STIM1: variants seen among roughly 807,000 people sequenced by gnomAD.
The protein encoded by STIM1 is stromal interaction molecule 1.
STIM1 carries 25 observed loss-of-function variants against 74.7 expected under a neutral mutation model. That is an observed-to-expected ratio of 0.33 (90% CI 0.24 to 0.47). The LOEUF (loss-of-function observed/expected upper bound fraction) is 0.47, where lower values mean the gene tolerates loss of function less well. Ranked by LOEUF, STIM1 falls within the 20% of genes least tolerant of loss-of-function variation. The pLI, the probability that STIM1 is intolerant of heterozygous loss-of-function variation, is 1.00. For missense variants in STIM1, 728 were observed against 920.8 expected (o/e 0.79, Z 2.71); for synonymous variants, 328 against 348.8 (o/e 0.94, Z 0.66).
intron 7 of STIM1, among the ~76,000 whole-genome samples, chr11:4,079,916 C>T (rs977741657): frequency 6.6e-6 from 1 of 152,156 alleles, no homozygotes; most frequent in African/African-American, 2.4e-5. Flanking sequence ...ACCCAGGTAT[C>T]TGTGTTTTTT....
intron 1 of STIM1, among the ~76,000 whole-genome samples, chr11:3,948,596 C>T (rs1009838446): frequency 6.6e-6 from 1 of 152,168 alleles, no homozygotes; most frequent in East Asian, 1.9e-4. Context: ...AGGAGCCCTA[C>T]GTGAGCCAGT....
intron 2 of STIM1, among the ~76,000 whole-genome samples, chr11:3,976,196 C>G (rs2093446809): frequency 6.6e-6 from 1 of 152,106 alleles, no homozygotes; most frequent in Non-Finnish European, 1.5e-5. Flanking sequence ...AAGGCAAAAA[C>G]AAAAAGCAAA....
chr11:4,001,094 C>T (rs1291512171), intron 2 of STIM1, among the ~76,000 whole-genome samples: 1 of 152,112 alleles, frequency 6.6e-6, no homozygotes, highest in Non-Finnish European at 1.5e-5. Context: ...TATGAAAAGA[C>T]CAAATCTGCG....
At chr11:3,932,478 G>C (rs10742194) in intron 1 of STIM1, among the ~76,000 whole-genome samples, 115,563 of 151,762 alleles carry the variant, frequency 0.76, 45,263 homozygotes, top group South Asian at 0.91. Context: ...AGGGTTAACA[G>C]AGTGAAGCCC....
chr11:3,939,086 T>G (rs1201252843), intron 1 of STIM1, among the ~76,000 whole-genome samples: 1 of 152,210 alleles, frequency 6.6e-6, no homozygotes, highest in Non-Finnish European at 1.5e-5. Context: ...GAGCCCTATA[T>G]AAAATATTTA....
At chr11:4,076,252 GA>G (rs1749824179) in intron 7 of STIM1, among the ~76,000 whole-genome samples, 1 of 151,918 alleles carries the variant, frequency 6.6e-6, no homozygotes, top group Non-Finnish European at 1.5e-5. Context: ...TTGGGTGGCT[GA>G]GGTGGGCAGA....
Position 3,949,312 on chromosome 11 carries a change from A to G in STIM1, c.140-18240A>G, listed in dbSNP as rs74812409. Among the ~76,000 whole-genome samples, 327 of 152,320 alleles carry G rather than the reference A, an allele frequency of 2.1e-3. 8 individuals are homozygous for G. The East Asian group carries it at 0.057, about 26-fold the overall frequency. ...ACATCATGTACAAAGCCACAAAGTG[A>G]GCCTTGCATATTTATGGAACTGAAA... On this transcript the variant is annotated intron_variant, in intron 1 of 12. Coordinates refer to ENST00000526596, the MANE Select transcript of STIM1 (RefSeq NM_001382567.1).
At chr11:4,010,234 G>C (rs1482855173) in intron 2 of STIM1, among the ~76,000 whole-genome samples, 1 of 148,952 alleles carries the variant, frequency 6.7e-6, no homozygotes, top group Admixed American at 6.8e-5. Context: ...GCAGTGGCAT[G>C]ATCTCGACTC....
At chr11:4,088,824 G>C in intron 12 of STIM1, 1 of 1,384,552 alleles carries the variant, frequency 7.2e-7, no homozygotes. Flanking sequence ...TTCAGGGAGG[G>C]AAGGTGAGCC....
intron 1 of STIM1, among the ~76,000 whole-genome samples, chr11:3,918,709 C>T (rs748425052): frequency 1.3e-5 from 2 of 152,214 alleles, no homozygotes; most frequent in Middle Eastern, 6.8e-3. Flanking sequence ...TTCCATTCTA[C>T]TCATGGAACC....
intron 3 of STIM1, among the ~76,000 whole-genome samples, chr11:4,049,029 T>C (rs2094216345): frequency 1.3e-5 from 2 of 152,214 alleles, no homozygotes; most frequent in South Asian, 4.1e-4. Flanking sequence ...CCACTGCACC[T>C]GGCCTATAAA....
At chr11:3,901,182 A>G (rs556900538) in intron 1 of STIM1, among the ~76,000 whole-genome samples, 1 of 152,324 alleles carries the variant, frequency 6.6e-6, no homozygotes, top group Admixed American at 6.5e-5. Context: ...CTCAGCCTCA[A>G]AAAAATAAAT....
At position 4,024,542 on chromosome 11, in the gene STIM1, T is replaced by C. The variant is rs367992743; in HGVS notation, c.385+555T>C. 4.6e-5 allele frequency among the ~76,000 whole-genome samples: 7 copies of C among 152,358 alleles called. No individual in the cohort carries two copies. In the East Asian group the frequency reaches 9.6e-4, roughly 21 times the overall value. ...CATTTTCTCAGCCTCCTTCTTGTCTTGATTTCCTGCCTATAAGCACTTTTG... is the reference window on the plus strand; with the variant it reads ...CATTTTCTCAGCCTCCTTCTTGTCTCGATTTCCTGCCTATAAGCACTTTTG... On this transcript the variant is annotated intron_variant, in intron 3 of 12. Transcript: ENST00000526596.
At chr11:4,053,549 G>A (rs1237020281) in intron 3 of STIM1, among the ~76,000 whole-genome samples, 1 of 151,682 alleles carries the variant, frequency 6.6e-6, no homozygotes, top group East Asian at 1.9e-4. Flanking sequence ...CTTGGACACA[G>A]GAAGGGGAAC....
At chr11:3,921,261 T>C (rs1202043874) in intron 1 of STIM1, among the ~76,000 whole-genome samples, 3 of 152,240 alleles carry the variant, frequency 2.0e-5, no homozygotes, top group African/African-American at 4.8e-5. Context: ...ATATCTTTGC[T>C]AGAGCAGGTT....
At chr11:3,905,849 G>A (rs2092457217) in intron 1 of STIM1, among the ~76,000 whole-genome samples, 1 of 152,208 alleles carries the variant, frequency 6.6e-6, no homozygotes, top group Non-Finnish European at 1.5e-5. Context: ...TCTAAAGAGG[G>A]CCCTTGCAGG....
At chr11:3,942,839 C>T (rs911159452) in intron 1 of STIM1, among the ~76,000 whole-genome samples, 5 of 152,060 alleles carry the variant, frequency 3.3e-5, no homozygotes, top group African/African-American at 1.2e-4. Flanking sequence ...TTCCTGGTTG[C>T]TTTGGGGGCT....
In STIM1 at chr11:3,914,345, A is replaced by G. The variant is rs565549905; in HGVS notation, c.140-53207A>G. 9.9e-5 allele frequency among the ~76,000 whole-genome samples: 15 copies of G among 152,194 alleles called. No individual in the cohort carries two copies. In the East Asian group the frequency reaches 2.5e-3, roughly 25 times the overall value. On this transcript the variant is annotated intron_variant, in intron 1 of 12. Coordinates refer to ENST00000526596, the MANE Select transcript of STIM1 (RefSeq NM_001382567.1). The stretch of plus-strand genomic sequence containing the variant: ...TTTACTGGCTGAATTATGTGTATAT[A>G]TACATACCACAATTTGTTTATTCAT...
At chr11:3,895,691 T>TTTCTTTCCTTCCTTCC (rs2092088065) in intron 1 of STIM1, among the ~76,000 whole-genome samples, 1 of 33,798 alleles carries the variant, frequency 3.0e-5, no homozygotes. Flanking sequence ...TCCTTCTTTC[T>TTTCTTTCCTTCCTTCC]TTCTTTCTTT....
Sources: allele counts gnomAD v4.1 joint callset (sites outside exome capture counted in the v4.1 genomes callset), GRCh38; gene constraint gnomAD v4.1.1; transcripts MANE v1.5; gene names NCBI Gene and HGNC (gene_info 2026-07-23, HGNC 2026-07-21).